The following PSD3 variants were observed in gnomAD, a reference collection of about 807,000 sequenced individuals.
The protein encoded by PSD3 is PH and SEC7 domain-containing protein 3.
PSD3 carries 49 observed loss-of-function variants against 105.5 expected under a neutral mutation model. The observed-to-expected ratio is 0.46, with a 90% CI of 0.37 to 0.59. PSD3 has a LOEUF of 0.59. PSD3 is among the 20% of genes least tolerant of loss of function. The probability of loss-of-function intolerance (pLI) is 0.00; values close to 1 mark genes in which losing one functional copy is unlikely to be tolerated. For synonymous variants in PSD3, 557 were observed against 457.8 expected (o/e 1.22, Z -2.77); for missense variants, 1,561 against 1,263.8 (o/e 1.24, Z -3.57).
chr8:18,953,178 A>G (rs977566117), intron 1 of PSD3, among the ~76,000 whole-genome samples: 1 of 152,188 alleles, frequency 6.6e-6, no homozygotes, highest in Non-Finnish European at 1.5e-5. Context: ...TTTACCCACA[A>G]TAGTGGCAAT....
At chr8:18,982,820 G>T (rs1201018140) in intron 1 of PSD3, among the ~76,000 whole-genome samples, 2 of 152,202 alleles carry the variant, frequency 1.3e-5, no homozygotes, top group African/African-American at 4.8e-5. Flanking sequence ...AAGTAGAGTA[G>T]ATCTAGCATA....
At chr8:18,762,063 G>C (rs1806585527) in intron 9 of PSD3, among the ~76,000 whole-genome samples, 1 of 152,112 alleles carries the variant, frequency 6.6e-6, no homozygotes, top group South Asian at 2.1e-4. Context: ...TACTTCAAAA[G>C]GCCATCTGAC....
chr8:19,040,969 T>C lies in PSD3; in HGVS notation c.324+43237A>G, dbSNP rs542063552. Among the ~76,000 whole-genome samples, 5 of 152,260 alleles carry C rather than the reference T, an allele frequency of 3.3e-5. No individual in the cohort carries two copies. In the East Asian group the frequency reaches 9.7e-4, roughly 29 times the overall value. On this transcript the variant is annotated intron_variant, in intron 1 of 1. Transcript: ENST00000521475. The stretch of plus-strand genomic sequence containing the variant: ...GTGCAGAGACACGATCATAGCACAT[T>C]GCAGCCTTGAACGCCCAGGCTCAAG...
intron 1 of PSD3, among the ~76,000 whole-genome samples, chr8:18,956,064 G>A (rs1321054120): frequency 3.9e-5 from 6 of 151,942 alleles, no homozygotes; most frequent in African/African-American, 1.5e-4. Context: ...CACCATGCCC[G>A]GCCTATATTT....
chr8:18,765,705 T>C (rs1806926148), intron 8 of PSD3, among the ~76,000 whole-genome samples, 167 bp from the exon 9 acceptor site: 1 of 152,084 alleles, frequency 6.6e-6, no homozygotes, highest in Non-Finnish European at 1.5e-5. Context: ...GGTGGGTGGA[T>C]CACGAGGTCA....
intron 13 of PSD3, among the ~76,000 whole-genome samples, chr8:18,573,106 G>A (rs1175591276): frequency 3.9e-5 from 6 of 152,242 alleles, no homozygotes; most frequent in South Asian, 4.2e-4. Flanking sequence ...CAGGTTCTTC[G>A]AAAGTTAACT....
At chr8:18,651,403 T>C (rs1808468803) in intron 10 of PSD3, among the ~76,000 whole-genome samples, 1 of 152,262 alleles carries the variant, frequency 6.6e-6, no homozygotes, top group African/African-American at 2.4e-5. Flanking sequence ...TGCATTATCC[T>C]ACAAACTTTG....
At chr8:19,067,901 C>T (rs1460089663) in intron 1 of PSD3, among the ~76,000 whole-genome samples, 1 of 152,200 alleles carries the variant, frequency 6.6e-6, no homozygotes, top group Admixed American at 6.5e-5. Context: ...CAGCTGACCG[C>T]AGCTATCTGC....
At chr8:19,073,041 A>C (rs6586797) in intron 1 of PSD3, among the ~76,000 whole-genome samples, 64,863 of 152,004 alleles carry the variant, frequency 0.43, 14,502 homozygotes, top group East Asian at 0.72. Flanking sequence ...AGATAATAAA[A>C]TGGTTAATTA....
chr8:19,058,330 T>C (rs937981301), intron 1 of PSD3, among the ~76,000 whole-genome samples: 2 of 151,614 alleles, frequency 1.3e-5, no homozygotes, highest in Admixed American at 1.3e-4. Flanking sequence ...TAATGAGTTG[T>C]TTTGGGTGAT....
At chr8:18,653,529 TACAGGTTA>T (rs1808674986) in intron 10 of PSD3, among the ~76,000 whole-genome samples, 1 of 152,188 alleles carries the variant, frequency 6.6e-6, no homozygotes, top group African/African-American at 2.4e-5. Context: ...AACTGAGGAC[TACAGGTTA>T]ACTTGGTCAG....
At chr8:18,586,671 T>A (rs1803210627) in intron 12 of PSD3, among the ~76,000 whole-genome samples, 1 of 152,154 alleles carries the variant, frequency 6.6e-6, no homozygotes, top group South Asian at 2.1e-4. Context: ...ATGAATTCTT[T>A]CGAAGACCAA....
chr8:18,674,656 T>C (rs771940067), intron 9 of PSD3, among the ~76,000 whole-genome samples: 1 of 152,170 alleles, frequency 6.6e-6, no homozygotes, highest in Non-Finnish European at 1.5e-5. Flanking sequence ...TGTCCAACCA[T>C]AGTAAGAGTA....
chr8:18,991,367 C>CACAT (rs1446220184), intron 1 of PSD3, among the ~76,000 whole-genome samples: 4 of 52,828 alleles, frequency 7.6e-5, no homozygotes, highest in African/African-American at 1.8e-4. Context: ...CACACACACA[C>CACAT]ACACATACAC....
intron 4 of PSD3, among the ~76,000 whole-genome samples, chr8:18,805,673 T>C (rs1007925418): frequency 3.3e-5 from 5 of 152,180 alleles, no homozygotes; most frequent in Non-Finnish European, 5.9e-5. Flanking sequence ...ACATCACACA[T>C]TGGTTATCTG....
intron 12 of PSD3, among the ~76,000 whole-genome samples, chr8:18,577,532 G>C (rs1430739186): frequency 2.6e-5 from 4 of 151,854 alleles, no homozygotes; most frequent in African/African-American, 4.8e-5. Context: ...TATTTTAGTT[G>C]CTATGTTGTC....
At chr8:18,702,732 C>G (rs1024546309) in intron 9 of PSD3, among the ~76,000 whole-genome samples, 1 of 151,998 alleles carries the variant, frequency 6.6e-6, no homozygotes, top group Non-Finnish European at 1.5e-5. Flanking sequence ...CCTGCCTCAG[C>G]CTCCCGAGTA....
intron 1 of PSD3, among the ~76,000 whole-genome samples, chr8:18,957,628 A>C (rs181146052): frequency 6.6e-6 from 1 of 152,206 alleles, no homozygotes; most frequent in South Asian, 2.1e-4. Context: ...GCTGTAAAAA[A>C]AGACTCAGGA....
intron 4 of PSD3, among the ~76,000 whole-genome samples, chr8:18,816,666 G>C (rs1208149942): frequency 6.6e-6 from 1 of 152,186 alleles, no homozygotes; most frequent in South Asian, 2.1e-4. Context: ...CCTTGCCCTT[G>C]TGGACTTTTA....
Sources: allele counts gnomAD v4.1 joint callset (sites outside exome capture counted in the v4.1 genomes callset), GRCh38; gene constraint gnomAD v4.1.1; transcripts MANE v1.5; gene names NCBI Gene and HGNC (gene_info 2026-07-23, HGNC 2026-07-21).